Variants in ASZ1 observed in about 807,000 individuals in gnomAD.
The protein encoded by ASZ1 is ankyrin repeat, SAM and basic leucine zipper domain containing 1.
Under a neutral mutation model 61.8 loss-of-function variants are expected in ASZ1, and 67 were observed. The ratio of observed to expected loss-of-function variants is 1.08; its 90% CI spans 0.89 to 1.33. The LOEUF is 1.33. Ranked by LOEUF, ASZ1 falls within the 40% of genes most tolerant of loss-of-function variation. The pLI, the probability that ASZ1 is intolerant of heterozygous loss-of-function variation, is 0.00. For synonymous variants in ASZ1, 193 were observed against 192.7 expected (o/e 1.00, Z -0.01); for missense variants, 577 against 554.5 (o/e 1.04, Z -0.41).
chr7:117,406,294 T>A (rs1796780181), intron 4 of ASZ1, among the ~76,000 whole-genome samples: 1 of 152,200 alleles, frequency 6.6e-6, no homozygotes, highest in African/African-American at 2.4e-5. Context: ...CACCAGCAGA[T>A]GTATTTAAAA....
intron 10 of ASZ1, among the ~76,000 whole-genome samples, chr7:117,369,119 T>C (rs1796001298): frequency 6.6e-6 from 1 of 152,180 alleles, no homozygotes; most frequent in African/African-American, 2.4e-5. Context: ...TGGAGACATC[T>C]AAAATTCAGG....
intron 11 of ASZ1, 129 bp from the exon 12 acceptor site, chr7:117,367,594 T>C: frequency 8.5e-7 from 1 of 1,175,660 alleles, no homozygotes; most frequent in Non-Finnish European, 1.1e-6. Flanking sequence ...TTGTTTAGGA[T>C]AAATACTGAC....
rs12534129 is a variant in ASZ1, at chr7:117,378,081, T to G, written c.1055+1857A>C. ...CTTAAATGTAAAACTATAAAACTTC[T>G]GGGAAAAAAGCACAGGAGAAAATCT... On this transcript the variant is annotated intron_variant, in intron 10 of 12. Transcript: ENST00000284629. 8.0e-4 allele frequency among the ~76,000 whole-genome samples: 121 copies of G among 151,914 alleles called. 2 individuals are homozygous for G. The East Asian group carries it at 0.022, about 28-fold the overall frequency.
At chr7:117,381,826 G>A (rs1796259675) in intron 8 of ASZ1, among the ~76,000 whole-genome samples, 1 of 152,156 alleles carries the variant, frequency 6.6e-6, no homozygotes, top group Admixed American at 6.6e-5. Context: ...GGGCTCAGGT[G>A]TATATGAAGG....
chr7:117,392,243 C>A (rs905305574), intron 4 of ASZ1, among the ~76,000 whole-genome samples: 1 of 152,094 alleles, frequency 6.6e-6, no homozygotes, highest in African/African-American at 2.4e-5. Flanking sequence ...TCACGGAATT[C>A]TTTTTCATTT....
At chr7:117,417,070 AG>A (rs1404621459) in intron 4 of ASZ1, among the ~76,000 whole-genome samples, 1 of 152,170 alleles carries the variant, frequency 6.6e-6, no homozygotes, top group East Asian at 1.9e-4. Context: ...AATGGAGAAG[AG>A]TTCATGCTAC....
At chr7:117,375,134 G>A (rs1796114262) in intron 10 of ASZ1, among the ~76,000 whole-genome samples, 1 of 151,966 alleles carries the variant, frequency 6.6e-6, no homozygotes, top group Non-Finnish European at 1.5e-5. Flanking sequence ...TTGGTGGAAT[G>A]AAAACAATTA....
At chr7:117,399,924 C>A (rs979636535) in intron 4 of ASZ1, among the ~76,000 whole-genome samples, 1 of 151,890 alleles carries the variant, frequency 6.6e-6, no homozygotes, top group African/African-American at 2.4e-5. Context: ...CATGATGTAC[C>A]CATAATTAAA....
At chr7:117,396,927 T>C (rs547174659) in intron 4 of ASZ1, among the ~76,000 whole-genome samples, 30 of 151,876 alleles carry the variant, frequency 2.0e-4, no homozygotes, top group African/African-American at 6.3e-4. Flanking sequence ...TGACATTTTT[T>C]CTCAAAAAAT....
In ASZ1 at chr7:117,382,048, G is replaced by A. The variant is rs545662789; in HGVS notation, c.888+21C>T. The A allele has an allele frequency of 1.3e-5, 18 of 1,436,858 alleles. No individual in the cohort carries two copies. In the South Asian group the frequency reaches 2.1e-4, roughly 17 times the overall value. 89.0% of individuals were successfully genotyped at this position (1,436,858 alleles called of 1,614,324 possible). A position where few individuals can be genotyped will look rare whatever the true frequency, so the allele number is the denominator to read the frequency against. ...AATTAACATATATGCATAACTCACT[G>A]TAGGTTATATAAGATCTTACCTTTA... On this transcript the variant is annotated intron_variant, in intron 8 of 12. Transcript: ENST00000284629.
chr7:117,382,006 C>T lies in ASZ1; in HGVS notation c.888+63G>A, dbSNP rs1584723248. ...GACATGTTTATGAATTAATATCTAACATTATATTAACCAACAAATTAACAT... is the reference window on the plus strand; with the variant it reads ...GACATGTTTATGAATTAATATCTAATATTATATTAACCAACAAATTAACAT... On this transcript the variant is annotated intron_variant, in intron 8 of 12. Coordinates refer to ENST00000284629, the MANE Select transcript of ASZ1 (RefSeq NM_130768.3). 16 of 1,066,906 alleles carry T rather than the reference C, an allele frequency of 1.5e-5. No homozygotes were observed. The South Asian group carries it at 2.1e-4, about 14-fold the overall frequency. 66.1% of individuals were successfully genotyped at this position (1,066,906 alleles called of 1,614,324 possible).
At chr7:117,364,247 T>G (rs1254770556) in intron 12 of ASZ1, among the ~76,000 whole-genome samples, 3 of 152,170 alleles carry the variant, frequency 2.0e-5, no homozygotes, top group Admixed American at 1.3e-4. Flanking sequence ...CAACAAAAAC[T>G]TAAGTGGTTC....
At chr7:117,367,331 C>T (rs1029299410) in intron 12 of ASZ1, 21 bp downstream of exon 12, 26 of 1,434,030 alleles carry the variant, frequency 1.8e-5, no homozygotes, top group Non-Finnish European at 2.2e-5. Flanking sequence ...TTTTCCCCTC[C>T]TTTTAATGTT....
Position 117,396,226 on chromosome 7 carries a change from G to A in ASZ1, c.441-10417C>T, listed in dbSNP as rs778483903. 5.3e-5 allele frequency among the ~76,000 whole-genome samples: 8 copies of A among 152,276 alleles called. No individual in the cohort carries two copies. In the South Asian group the frequency reaches 1.7e-3, roughly 32 times the overall value. The stretch of plus-strand genomic sequence containing the variant: ...AACAAAGAACAGTACCATGCACAAA[G>A]TAAATTCTCAGTCATTAATAGGTAT... On this transcript the variant is annotated intron_variant, in intron 4 of 12. Transcript: ENST00000284629.
chr7:117,367,782 T>C (rs2116444285), intron 11 of ASZ1: 3 of 971,740 alleles, frequency 3.1e-6, no homozygotes, highest in Non-Finnish European at 3.7e-6. Context: ...TGATGTTATA[T>C]AAAAATCACT....
chr7:117,426,502 A>AG (rs1289379527), intron 2 of ASZ1, among the ~76,000 whole-genome samples: 1 of 150,308 alleles, frequency 6.7e-6, no homozygotes, highest in African/African-American at 2.4e-5. Flanking sequence ...AAAAAAAAAA[A>AG]AAAAAAAAGA....
At chr7:117,368,487 GT>G in intron 11 of ASZ1, 124 bp downstream of exon 11, 1 of 1,444,606 alleles carries the variant, frequency 6.9e-7, no homozygotes, top group East Asian at 2.5e-5. Flanking sequence ...TAGATCTTAT[GT>G]GATTTTGCAG....
chr7:117,420,370 A>C (rs1347635237), intron 3 of ASZ1, 96 bp from the exon 4 acceptor site: 2 of 782,262 alleles, frequency 2.6e-6, no homozygotes, highest in East Asian at 5.5e-5. Context: ...TGCACTCTAA[A>C]ACTCTATAAC....
At position 117,412,780 on chromosome 7, in the gene ASZ1, C is replaced by A. The variant is rs934793557; in HGVS notation, c.440+7383G>T. Among the ~76,000 whole-genome samples the A allele has an allele frequency of 1.3e-4, 19 of 150,588 alleles. No homozygotes were observed. In the East Asian group the frequency reaches 3.7e-3, roughly 29 times the overall value. On this transcript the variant is annotated intron_variant, in intron 4 of 12. Coordinates refer to ENST00000284629, the MANE Select transcript of ASZ1 (RefSeq NM_130768.3). ...TACCTTCTAAATGTAAAAAAAAAATCTTTTTTTTTAAATATAAGAAAGAGT... is the reference window on the plus strand; with the variant it reads ...TACCTTCTAAATGTAAAAAAAAAATATTTTTTTTTAAATATAAGAAAGAGT...
Sources: gnomAD v4.1 joint callset for allele counts (sites outside exome capture counted in the v4.1 genomes callset) on GRCh38, gnomAD v4.1.1 for gene constraint, MANE v1.5 for transcripts, NCBI Gene and HGNC (gene_info 2026-07-23, HGNC 2026-07-21) for gene names.